Variants in MTUS2 observed in about 807,000 individuals in gnomAD.
The protein encoded by MTUS2 is microtubule-associated tumor suppressor candidate 2.
In MTUS2, 40 loss-of-function variants were observed where a neutral mutation model predicts 114.1. The observed-to-expected ratio is 0.35, with a 90% CI of 0.27 to 0.46. MTUS2 has a LOEUF of 0.46. Ranked by LOEUF, MTUS2 falls within the 20% of genes least tolerant of loss-of-function variation. The pLI is 1.00. For synonymous variants in MTUS2, 688 were observed against 672.0 expected (o/e 1.02, Z -0.37); for missense variants, 1,679 against 1,705.4 (o/e 0.98, Z 0.27).
intron 2 of MTUS2, among the ~76,000 whole-genome samples, chr13:29,015,066 C>T (rs954170340): frequency 2.0e-4 from 31 of 152,088 alleles, no homozygotes; most frequent in African/African-American, 6.0e-4. Context: ...TACATTTAAG[C>T]GACATTCTGG....
intron 5 of MTUS2, among the ~76,000 whole-genome samples, chr13:29,106,442 C>T (rs1011610759): frequency 1.3e-5 from 2 of 152,134 alleles, no homozygotes; most frequent in African/African-American, 4.8e-5. Flanking sequence ...TCACTGCAGC[C>T]TCTGTCTCTT....
At position 29,225,665 on chromosome 13, in the gene MTUS2, A is replaced by G. The variant is rs1279554389; in HGVS notation, c.2645-56039A>G. On this transcript the variant is annotated intron_variant, in intron 5 of 15. Transcript: ENST00000612955. ...TTTAGTTTCCTTGTCGTAACAAATT[A>G]GCATCAAAATGTTTTTACCAGTTTA... Among the ~76,000 whole-genome samples the G allele has an allele frequency of 1.3e-5, 2 of 152,258 alleles. 1 individual carries two copies. The highest frequency in any genetic ancestry group is 2.9e-5 in the Non-Finnish European group (2 of 68,044).
chr13:29,312,188 C>T (rs947712130), intron 6 of MTUS2, among the ~76,000 whole-genome samples: 10 of 152,216 alleles, frequency 6.6e-5, no homozygotes, highest in African/African-American at 2.4e-4. Flanking sequence ...AAATCTTTGC[C>T]CAAACCTCTG....
intron 8 of MTUS2, among the ~76,000 whole-genome samples, chr13:29,425,994 A>C (rs1180844827): frequency 6.6e-6 from 1 of 152,184 alleles, no homozygotes; most frequent in Non-Finnish European, 1.5e-5. Context: ...ACTGTTTCCT[A>C]AAGGGAACTA....
At chr13:28,841,273 G>A (rs1875462114) in intron 2 of MTUS2, among the ~76,000 whole-genome samples, 1 of 152,230 alleles carries the variant, frequency 6.6e-6, no homozygotes, top group African/African-American at 2.4e-5. Flanking sequence ...TTTGGGGCCA[G>A]ATTTAGGGGC....
rs529696011 is a variant in MTUS2 at position 29,211,942 on chromosome 13, T to G, written c.2645-69762T>G. 3.3e-5 allele frequency among the ~76,000 whole-genome samples: 5 copies of G among 152,268 alleles called. No individual in the cohort carries two copies. The East Asian group carries it at 7.7e-4, about 24-fold the overall frequency. ...TGCTCTGTCCATCTGAGTGGGAGCC[T>G]CAAGTTAGTCCTGCCTCCTGTCTGC... On this transcript the variant is annotated intron_variant, in intron 5 of 15. Transcript: ENST00000612955.
chr13:29,026,714 C>A lies in MTUS2; in HGVS notation c.2016C>A (p.Pro672=). The A allele has an allele frequency of 6.2e-7, 1 of 1,614,002 alleles. No individual in the cohort carries two copies. The highest frequency in any genetic ancestry group is 8.5e-7 in the Non-Finnish European group (1 of 1,179,886). The change falls in exon 3 of 16, where the codon CCC becomes CCA. Residue 672 remains proline, a synonymous_variant. Coordinates refer to ENST00000612955, the MANE Select transcript of MTUS2 (RefSeq NM_001033602.4). ...LVPVGLPYAP[P]TCTMPLPHEE... ...CAGTGGGGCTTCCATATGCCCCGCC[C>A]ACATGTACCATGCCTCTTCCCCACG...
rs563571533 is a variant in MTUS2 at position 29,480,399 on chromosome 13, G to C, written c.3399+35G>C. ...CAGTGCGGCTCGAGCTCTGCTGTTG[G>C]GTGATGCAGGTGGCGGGCGGCGGGG... On this transcript the variant is annotated intron_variant, in intron 10 of 15. Coordinates refer to ENST00000612955, the MANE Select transcript of MTUS2 (RefSeq NM_001033602.4). This position sits in a 1 kb window ranked among gnomAD's most constrained non-coding sequence, Gnocchi z 4.4. The C allele has an allele frequency of 1.2e-4, 171 of 1,471,334 alleles. No individual in the cohort carries two copies. The highest frequency in any genetic ancestry group is 1.4e-4 in the Non-Finnish European group (160 of 1,108,474). The allele number at this position is 1,471,334 out of a possible 1,614,324, so 91.1% of individuals were successfully genotyped here.
At chr13:29,258,533 A>AC (rs1402183302) in intron 5 of MTUS2, among the ~76,000 whole-genome samples, 1 of 152,172 alleles carries the variant, frequency 6.6e-6, no homozygotes, top group East Asian at 1.9e-4. Context: ...CCACCAGGGG[A>AC]CATGGCTGTT....
At chr13:29,265,881 G>A in intron 5 of MTUS2, among the ~76,000 whole-genome samples, 1 of 152,180 alleles carries the variant, frequency 6.6e-6, no homozygotes, top group African/African-American at 2.4e-5. Context: ...TTCAACATGA[G>A]ATTTGGTGGG....
chr13:29,126,662 G>A (rs1283148399), intron 5 of MTUS2, among the ~76,000 whole-genome samples: 1 of 151,886 alleles, frequency 6.6e-6, no homozygotes, highest in Non-Finnish European at 1.5e-5. Context: ...CTCATCAGCT[G>A]TTGTTAGTAT....
chr13:29,261,235 T>G (rs1897460327), intron 5 of MTUS2, among the ~76,000 whole-genome samples: 1 of 152,234 alleles, frequency 6.6e-6, no homozygotes, highest in South Asian at 2.1e-4. Context: ...GTTCAATTTC[T>G]TCTCCTTTAA....
chr13:29,387,103 G>A (rs1177545972), intron 8 of MTUS2, among the ~76,000 whole-genome samples: 7 of 152,182 alleles, frequency 4.6e-5, no homozygotes, highest in Admixed American at 3.3e-4. Flanking sequence ...AGCAGCTCCT[G>A]CCCTGACTGA....
At chr13:29,435,294 A>C (rs1877323947) in intron 8 of MTUS2, among the ~76,000 whole-genome samples, 1 of 152,198 alleles carries the variant, frequency 6.6e-6, no homozygotes, top group Non-Finnish European at 1.5e-5. Flanking sequence ...ATTAACACTG[A>C]GTTCTATTTT....
chr13:29,489,266 C>A (rs1216782550), intron 11 of MTUS2, among the ~76,000 whole-genome samples: 13 of 149,732 alleles, frequency 8.7e-5, no homozygotes, highest in African/African-American at 2.7e-4. Context: ...AACTCCGCCT[C>A]AAAAAAAAAG....
chr13:29,212,154 G>A (rs9314940), intron 5 of MTUS2, among the ~76,000 whole-genome samples: 84,203 of 150,202 alleles, frequency 0.56, 23,589 homozygotes, highest in Admixed American at 0.57. Context: ...TCTTCATTGA[G>A]TTCAAAATAT....
intron 5 of MTUS2, among the ~76,000 whole-genome samples, chr13:29,131,531 A>G (rs1262815846): frequency 1.3e-5 from 2 of 152,264 alleles, no homozygotes; most frequent in African/African-American, 2.4e-5. Flanking sequence ...CTGCCTTCAC[A>G]TGGCCATGGC....
intron 2 of MTUS2, among the ~76,000 whole-genome samples, chr13:28,851,630 A>C (rs945658288): frequency 2.0e-5 from 3 of 152,234 alleles, no homozygotes; most frequent in Non-Finnish European, 4.4e-5. Flanking sequence ...GACTCTGACC[A>C]GGGTCCTGAA....
At chr13:29,365,290 G>A (rs1388176111) in intron 8 of MTUS2, among the ~76,000 whole-genome samples, 4 of 152,142 alleles carry the variant, frequency 2.6e-5, no homozygotes, top group African/African-American at 9.7e-5. Flanking sequence ...AAACATCATG[G>A]TCAGTGGAAA....
Sources: allele counts gnomAD v4.1 joint callset (sites outside exome capture counted in the v4.1 genomes callset), GRCh38; gene constraint gnomAD v4.1.1; non-coding constraint Gnocchi (gnomAD v3.1); transcripts MANE v1.5; gene names NCBI Gene and HGNC (gene_info 2026-07-23, HGNC 2026-07-21).